Variants in RARB observed in about 807,000 individuals in gnomAD.
RARB encodes HBV-activated protein.
In RARB, 17 loss-of-function variants were observed where a neutral mutation model predicts 51.9. That is an observed-to-expected ratio of 0.33 (90% CI 0.22 to 0.49). RARB has a LOEUF of 0.49. RARB is among the 20% of genes least tolerant of loss of function. The pLI is 0.99. For missense variants in RARB, 369 were observed against 550.8 expected (o/e 0.67, Z 3.30); for synonymous variants, 215 against 195.4 (o/e 1.10, Z -0.84).
At chr3:25,332,726 A>G (rs1302611649) in intron 5 of RARB, among the ~76,000 whole-genome samples, 1 of 152,198 alleles carries the variant, frequency 6.6e-6, no homozygotes, top group Non-Finnish European at 1.5e-5. Context: ...GGAAAAGAGG[A>G]AGTCAAATTG....
chr3:25,566,952 C>T (rs529772696), intron 3 of RARB, among the ~76,000 whole-genome samples: 16 of 152,186 alleles, frequency 1.1e-4, no homozygotes, highest in Non-Finnish European at 1.5e-4. Context: ...GTGGGGATTT[C>T]GCGAGCTAGG....
In RARB at chr3:25,139,857, C is replaced by T. The variant is rs568026407; in HGVS notation, c.-280+7649C>T. On this transcript the variant is annotated intron_variant, in intron 4 of 11. Coordinates refer to the RARB transcript ENST00000383772. ...TGACTTTAAGCCAATGCTCATTGATCATTCCAAAAGTCTTAGGGCCCTTAA... is the reference window on the plus strand; with the variant it reads ...TGACTTTAAGCCAATGCTCATTGATTATTCCAAAAGTCTTAGGGCCCTTAA... Among the ~76,000 whole-genome samples, 7 of 152,246 alleles carry T rather than the reference C, an allele frequency of 4.6e-5. No homozygotes were observed. The South Asian group carries it at 6.2e-4, about 14-fold the overall frequency.
At chr3:25,135,495 C>T (rs548296896) in intron 4 of RARB, among the ~76,000 whole-genome samples, 23 of 151,936 alleles carry the variant, frequency 1.5e-4, no homozygotes, top group Admixed American at 1.5e-3. Flanking sequence ...GCAAATAGAC[C>T]ACGATTATGC....
At position 25,437,302 on chromosome 3, in the gene RARB, A is replaced by G. The variant is rs1708477003; in HGVS notation, c.157+8414A>G. Among the ~76,000 whole-genome samples, 4 of 152,260 alleles carry G rather than the reference A, an allele frequency of 2.6e-5. No homozygotes were observed. The South Asian group carries it at 8.3e-4, about 32-fold the overall frequency. On this transcript the variant is annotated intron_variant, in intron 1 of 7. Transcript: ENST00000330688. ...TTCTTGCAAATGATTGACTTTTACAAGTGAGCATTGTCACCTTCAAAGTTG... is the reference window on the plus strand; with the variant it reads ...TTCTTGCAAATGATTGACTTTTACAGGTGAGCATTGTCACCTTCAAAGTTG...
chr3:25,232,744 C>T (rs1487207168), intron 5 of RARB, among the ~76,000 whole-genome samples: 1 of 152,078 alleles, frequency 6.6e-6, no homozygotes, highest in Non-Finnish European at 1.5e-5. Context: ...AAATGATTCA[C>T]ATTTAGTAGA....
intron 5 of RARB, among the ~76,000 whole-genome samples, chr3:25,371,482 A>G (rs1237633418): frequency 6.6e-6 from 1 of 152,240 alleles, no homozygotes; most frequent in East Asian, 1.9e-4. Flanking sequence ...CATTATTAAG[A>G]GCAAAATATC....
intron 2 of RARB, among the ~76,000 whole-genome samples, chr3:25,043,624 T>A (rs1246145948): frequency 6.6e-6 from 1 of 152,208 alleles, no homozygotes; most frequent in Non-Finnish European, 1.5e-5. Context: ...AAAGATAAAG[T>A]AGGCGTTACA....
At chr3:24,874,479 T>C (rs923094331) in intron 2 of RARB, among the ~76,000 whole-genome samples, 2 of 152,070 alleles carry the variant, frequency 1.3e-5, no homozygotes, top group Non-Finnish European at 2.9e-5. Context: ...CAAAGCCAGG[T>C]TAACAGGTAC....
At chr3:25,151,050 C>A (rs1700279640) in intron 4 of RARB, among the ~76,000 whole-genome samples, 1 of 152,170 alleles carries the variant, frequency 6.6e-6, no homozygotes. Flanking sequence ...ACTCAGATCC[C>A]CTTTGACTAG....
intron 4 of RARB, among the ~76,000 whole-genome samples, chr3:25,148,789 G>A (rs188507894): frequency 1.3e-5 from 2 of 152,230 alleles, no homozygotes; most frequent in Admixed American, 1.3e-4. Context: ...CTTGTACCTT[G>A]TAAGTAGTTG....
intron 5 of RARB, among the ~76,000 whole-genome samples, chr3:25,194,940 G>C (rs562066322): frequency 7.2e-5 from 11 of 152,026 alleles, no homozygotes; most frequent in African/African-American, 2.6e-4. Context: ...GGTGGAAAAG[G>C]ACACTAATTC....
intron 4 of RARB, among the ~76,000 whole-genome samples, chr3:25,157,448 G>T (rs909119044): frequency 1.3e-5 from 2 of 151,164 alleles, no homozygotes; most frequent in Non-Finnish European, 2.9e-5. Context: ...CTGTCACCCA[G>T]GCTGGAATGC....
chr3:25,417,832 C>T (rs190910688), intron 5 of RARB, among the ~76,000 whole-genome samples: 46 of 152,240 alleles, frequency 3.0e-4, no homozygotes, highest in Admixed American at 1.6e-3. Context: ...CAAAAAATGA[C>T]GGCATAAATA....
At chr3:25,052,283 A>G (rs934482282) in intron 2 of RARB, among the ~76,000 whole-genome samples, 1 of 152,176 alleles carries the variant, frequency 6.6e-6, no homozygotes, top group Non-Finnish European at 1.5e-5. Context: ...CCAAGCCTCT[A>G]CTGTTGACCA....
intron 2 of RARB, among the ~76,000 whole-genome samples, chr3:25,049,625 A>C (rs1185530069): frequency 1.3e-5 from 2 of 152,260 alleles, no homozygotes; most frequent in Admixed American, 6.5e-5. Flanking sequence ...TAAAAATTAA[A>C]GCATCCTATT....
At chr3:24,924,786 C>A (rs968612846) in intron 2 of RARB, among the ~76,000 whole-genome samples, 4 of 152,134 alleles carry the variant, frequency 2.6e-5, no homozygotes, top group Non-Finnish European at 5.9e-5. Flanking sequence ...CAAAACCTAG[C>A]TCTACCACGT....
At chr3:25,356,642 C>G (rs1388567267) in intron 5 of RARB, among the ~76,000 whole-genome samples, 1 of 152,046 alleles carries the variant, frequency 6.6e-6, no homozygotes, top group African/African-American at 2.4e-5. Flanking sequence ...TTAGGTATTT[C>G]TCCTGATGCT....
intron 3 of RARB, among the ~76,000 whole-genome samples, chr3:25,561,083 A>G (rs569242675): frequency 6.6e-6 from 1 of 152,352 alleles, no homozygotes; most frequent in South Asian, 2.1e-4. Flanking sequence ...CTGAGCTTAC[A>G]TAGTTAGTAC....
intron 2 of RARB, among the ~76,000 whole-genome samples, chr3:24,935,923 A>G (rs1695539256): frequency 6.6e-6 from 1 of 152,240 alleles, no homozygotes; most frequent in Middle Eastern, 3.4e-3. Context: ...AACCACCAAT[A>G]AATTGGCACA....
Sources: gnomAD v4.1 joint callset for allele counts (sites outside exome capture counted in the v4.1 genomes callset) on GRCh38, gnomAD v4.1.1 for gene constraint, MANE v1.5 for transcripts, NCBI Gene and HGNC (gene_info 2026-07-23, HGNC 2026-07-21) for gene names.